HS6ST3: variants seen among roughly 807,000 people sequenced by gnomAD.
HS6ST3 encodes the protein heparan-sulfate 6-O-sulfotransferase 3.
In HS6ST3, 12 loss-of-function variants were observed where a neutral mutation model predicts 36.7. That is an observed-to-expected ratio of 0.33 (90% CI 0.21 to 0.53). HS6ST3 has a LOEUF of 0.53. Among genes scored for constraint, HS6ST3 ranks in the 20% least tolerant of loss-of-function variants. The probability of loss-of-function intolerance (pLI) is 0.95; values close to 1 mark genes in which losing one functional copy is unlikely to be tolerated. For missense variants in HS6ST3, 584 were observed against 640.9 expected (o/e 0.91, Z 0.96); for synonymous variants, 240 against 257.5 (o/e 0.93, Z 0.65).
At chr13:96,614,024 C>T (rs113599646) in intron 1 of HS6ST3, among the ~76,000 whole-genome samples, 2 of 151,982 alleles carry the variant, frequency 1.3e-5, no homozygotes, top group African/African-American at 4.8e-5. Context: ...CTGGGCCGGG[C>T]GCGGTGGCTC....
intron 1 of HS6ST3, among the ~76,000 whole-genome samples, chr13:96,817,607 G>T (rs1320106004): frequency 6.6e-6 from 1 of 152,138 alleles, no homozygotes. Context: ...TTTTTTGTTG[G>T]ATTTTTGTTG....
At chr13:96,302,028 T>C (rs2054885809) in intron 1 of HS6ST3, among the ~76,000 whole-genome samples, 1 of 151,640 alleles carries the variant, frequency 6.6e-6, no homozygotes, top group East Asian at 1.9e-4. Context: ...ATTAAGCTAA[T>C]CAAATTGGCA....
chr13:96,726,102 C>A (rs905556778), intron 1 of HS6ST3, among the ~76,000 whole-genome samples: 6 of 152,142 alleles, frequency 3.9e-5, no homozygotes, highest in Admixed American at 3.3e-4. Context: ...TCCCAAAGTG[C>A]TGGGATTACA....
At chr13:96,616,624 A>C (rs2056475262) in intron 1 of HS6ST3, among the ~76,000 whole-genome samples, 1 of 152,200 alleles carries the variant, frequency 6.6e-6, no homozygotes, top group African/African-American at 2.4e-5. Context: ...GCATGAGAAC[A>C]TTGGATCTCT....
intron 1 of HS6ST3, among the ~76,000 whole-genome samples, chr13:96,792,456 G>A (rs995228376): frequency 1.3e-5 from 2 of 151,808 alleles, no homozygotes; most frequent in African/African-American, 4.8e-5. Context: ...CTCTGTGGTT[G>A]CCCTTGGAAA....
chr13:96,637,793 C>T (rs1207320866), intron 1 of HS6ST3, among the ~76,000 whole-genome samples: 1 of 152,048 alleles, frequency 6.6e-6, no homozygotes, highest in Non-Finnish European at 1.5e-5. Context: ...TGACTTCTTG[C>T]ATAGTCATTC....
chr13:96,095,358 C>T (rs1287445887), intron 1 of HS6ST3, among the ~76,000 whole-genome samples: 2 of 152,220 alleles, frequency 1.3e-5, no homozygotes, highest in African/African-American at 2.4e-5. Flanking sequence ...GATATTCTAT[C>T]TGCATCATTT....
chr13:96,312,098 G>A (rs2139409600), intron 1 of HS6ST3, among the ~76,000 whole-genome samples: 1 of 152,226 alleles, frequency 6.6e-6, no homozygotes, highest in South Asian at 2.1e-4. Context: ...TACCCAATGG[G>A]CACTGCATAA....
chr13:96,805,100 A>G (rs1878165343), intron 1 of HS6ST3, among the ~76,000 whole-genome samples: 1 of 152,322 alleles, frequency 6.6e-6, no homozygotes, highest in Admixed American at 6.5e-5. Context: ...AGAAGTGGCC[A>G]TGAATGTGCT....
At chr13:96,441,167 T>G (rs1339875999) in intron 1 of HS6ST3, among the ~76,000 whole-genome samples, 1 of 152,206 alleles carries the variant, frequency 6.6e-6, no homozygotes, top group Non-Finnish European at 1.5e-5. Context: ...CACCCTGATC[T>G]TAGATTTCCA....
intron 1 of HS6ST3, among the ~76,000 whole-genome samples, chr13:96,653,921 G>A (rs894329788): frequency 6.6e-6 from 1 of 151,680 alleles, no homozygotes; most frequent in Non-Finnish European, 1.5e-5. Flanking sequence ...GAGATGGTAT[G>A]TCATTGTGGT....
At chr13:96,747,216 T>A (rs1876583485) in intron 1 of HS6ST3, among the ~76,000 whole-genome samples, 1 of 152,134 alleles carries the variant, frequency 6.6e-6, no homozygotes, top group Non-Finnish European at 1.5e-5. Flanking sequence ...CCCATTGCCA[T>A]CTCAGAACAC....
At chr13:96,379,830 G>A (rs1048100266) in intron 1 of HS6ST3, among the ~76,000 whole-genome samples, 1 of 152,150 alleles carries the variant, frequency 6.6e-6, no homozygotes, top group African/African-American at 2.4e-5. Context: ...CAGTGAGGCT[G>A]TGCTTTATCA....
chr13:96,419,260 T>C (rs1382898499), intron 1 of HS6ST3, among the ~76,000 whole-genome samples: 1 of 152,226 alleles, frequency 6.6e-6, no homozygotes, highest in Non-Finnish European at 1.5e-5. Context: ...TCCGTTTTAA[T>C]GTGAAACCAT....
At chr13:96,613,915 C>T (rs1234656377) in intron 1 of HS6ST3, among the ~76,000 whole-genome samples, 1 of 152,160 alleles carries the variant, frequency 6.6e-6, no homozygotes, top group African/African-American at 2.4e-5. Flanking sequence ...GTGCCAAGCA[C>T]TCTGCTGTGC....
intron 1 of HS6ST3, among the ~76,000 whole-genome samples, chr13:96,278,924 A>T (rs1252445483): frequency 6.6e-6 from 1 of 152,176 alleles, no homozygotes; most frequent in Non-Finnish European, 1.5e-5. Context: ...TTCAGGTATT[A>T]TACCTGTTTT....
chr13:96,707,089 T>C (rs1875446323), intron 1 of HS6ST3, among the ~76,000 whole-genome samples: 1 of 152,174 alleles, frequency 6.6e-6, no homozygotes, highest in Non-Finnish European at 1.5e-5. Flanking sequence ...GGATTGGCTA[T>C]GGGTTGAATT....
At chr13:96,826,216 A>G (rs1878643552) in intron 1 of HS6ST3, among the ~76,000 whole-genome samples, 1 of 152,188 alleles carries the variant, frequency 6.6e-6, no homozygotes, top group Non-Finnish European at 1.5e-5. Flanking sequence ...ATTTCACTCC[A>G]TATCACCTAC....
chr13:96,658,257 CTCT>C lies in HS6ST3; in HGVS notation c.708-174222_708-174220del, dbSNP rs1359185452. Among the ~76,000 whole-genome samples the C allele has an allele frequency of 7.7e-5, 8 of 103,488 alleles. No individual in the cohort carries two copies. In the East Asian group the frequency reaches 1.4e-3, roughly 18 times the overall value. The allele number at this position is 103,488 out of a possible 152,430, so 67.9% of individuals were successfully genotyped here. ...ATTTATCTTTCTTCTTCTTCTTCTT[CTCT>C]TCTTCTTCTTTTTTTTTTTTTTTTT... On this transcript the variant is annotated intron_variant, in intron 1 of 1. Coordinates refer to ENST00000376705, the MANE Select transcript of HS6ST3 (RefSeq NM_153456.4).
Sources: gnomAD v4.1 joint callset for allele counts (sites outside exome capture counted in the v4.1 genomes callset) on GRCh38, gnomAD v4.1.1 for gene constraint, MANE v1.5 for transcripts, NCBI Gene and HGNC (gene_info 2026-07-23, HGNC 2026-07-21) for gene names.